SLIT3: variants seen among roughly 807,000 people sequenced by gnomAD.
The protein encoded by SLIT3 is slit guidance ligand 3.
In SLIT3, 68 loss-of-function variants were observed where a neutral mutation model predicts 184.0. The observed-to-expected ratio is 0.37, with a 90% CI of 0.30 to 0.45. The LOEUF is 0.45. Among genes scored for constraint, SLIT3 ranks in the 20% least tolerant of loss-of-function variants. The pLI is 1.00. For synonymous variants in SLIT3, 831 were observed against 828.6 expected, an observed-to-expected ratio of 1.00 and a Z score of -0.05; for missense variants, 1,707 against 2,026.0, an observed-to-expected ratio of 0.84 and a Z score of 3.02.
intron 6 of SLIT3, among the ~76,000 whole-genome samples, chr5:168,838,023 T>C (rs1303748424): frequency 1.3e-5 from 2 of 152,190 alleles, no homozygotes; most frequent in Non-Finnish European, 2.9e-5. Flanking sequence ...GGTCATAAAT[T>C]TAGATCTAAG....
At chr5:169,150,973 TAAGA>T (rs1009829720) in intron 4 of SLIT3, among the ~76,000 whole-genome samples, 4 of 152,016 alleles carry the variant, frequency 2.6e-5, no homozygotes, top group African/African-American at 9.7e-5. Flanking sequence ...TTTCTGACCC[TAAGA>T]AAGAGGGTCC....
chr5:169,048,209 G>T (rs1757691450), intron 4 of SLIT3, among the ~76,000 whole-genome samples: 1 of 152,130 alleles, frequency 6.6e-6, no homozygotes, highest in South Asian at 2.1e-4. Context: ...ACGATGGGTG[G>T]TCTTGGATGG....
chr5:169,123,110 T>G (rs953103383), intron 4 of SLIT3, among the ~76,000 whole-genome samples: 1 of 151,170 alleles, frequency 6.6e-6, no homozygotes, highest in Admixed American at 6.6e-5. Flanking sequence ...AAAAAAAAAC[T>G]GCACCAAAAT....
intron 3 of SLIT3, among the ~76,000 whole-genome samples, chr5:169,211,812 G>A (rs552667901): frequency 3.8e-4 from 58 of 152,144 alleles, no homozygotes; most frequent in Non-Finnish European, 6.6e-4. Context: ...CAGACGGCCC[G>A]TGTGTGATGT....
At chr5:168,923,505 T>G (rs1451442500) in intron 4 of SLIT3, among the ~76,000 whole-genome samples, 1 of 149,428 alleles carries the variant, frequency 6.7e-6, no homozygotes, top group Non-Finnish European at 1.5e-5. Context: ...GGTAACCCCC[T>G]TCCTAAATAT....
Position 169,123,136 on chromosome 5 carries a change from T to G in SLIT3, c.413+70343A>C, listed in dbSNP as rs552876138. Among the ~76,000 whole-genome samples, 21 of 152,270 alleles carry G rather than the reference T, an allele frequency of 1.4e-4. No homozygotes were observed. In the South Asian group the frequency reaches 4.4e-3, roughly 32 times the overall value. On this transcript the variant is annotated intron_variant, in intron 4 of 35. Transcript: ENST00000519560. Reference sequence around the variant, plus strand: ...GCACCAAAATCAACTTATACTAGCTTGTTATGACATGTCTGAACAGGATCT... The same window carrying G: ...GCACCAAAATCAACTTATACTAGCTGGTTATGACATGTCTGAACAGGATCT...
chr5:168,732,316 C>A (rs1763311601), intron 20 of SLIT3, among the ~76,000 whole-genome samples: 1 of 151,988 alleles, frequency 6.6e-6, no homozygotes, highest in African/African-American at 2.4e-5. Context: ...TTGTAGACAA[C>A]ACAAACAAAT....
intron 4 of SLIT3, among the ~76,000 whole-genome samples, chr5:169,021,811 T>C (rs1756609597): frequency 6.6e-6 from 1 of 152,210 alleles, no homozygotes; most frequent in Non-Finnish European, 1.5e-5. Flanking sequence ...CGTCTCTCAG[T>C]TTCAAAATTC....
intron 4 of SLIT3, among the ~76,000 whole-genome samples, chr5:169,086,022 C>T (rs1458728689): frequency 6.6e-6 from 1 of 152,142 alleles, no homozygotes; most frequent in Non-Finnish European, 1.5e-5. Flanking sequence ...CCTCATTTTC[C>T]CTACAGCTAG....
chr5:168,927,082 G>A (rs1421882675), intron 4 of SLIT3, among the ~76,000 whole-genome samples: 1 of 152,102 alleles, frequency 6.6e-6, no homozygotes, highest in Non-Finnish European at 1.5e-5. Context: ...ACCAAAAACA[G>A]CATTATTCAC....
chr5:169,060,937 G>A (rs979137656), intron 4 of SLIT3, among the ~76,000 whole-genome samples: 16 of 152,146 alleles, frequency 1.1e-4, no homozygotes, highest in African/African-American at 3.6e-4. Flanking sequence ...ATCCACAGGG[G>A]CTGTGGGGTC....
chr5:169,227,333 C>G (rs965967173), intron 3 of SLIT3, among the ~76,000 whole-genome samples: 2 of 152,200 alleles, frequency 1.3e-5, no homozygotes, highest in Non-Finnish European at 2.9e-5. Context: ...TACTTTGTGT[C>G]AGGCACTTTG....
intron 3 of SLIT3, among the ~76,000 whole-genome samples, chr5:169,214,212 C>T (rs1764361616): frequency 6.6e-6 from 1 of 152,218 alleles, no homozygotes; most frequent in Non-Finnish European, 1.5e-5. Flanking sequence ...TGCTCAATAT[C>T]TGGTTCCAAG....
chr5:168,698,897 A>G (rs1762136111), intron 27 of SLIT3, among the ~76,000 whole-genome samples: 1 of 152,184 alleles, frequency 6.6e-6, no homozygotes, highest in Non-Finnish European at 1.5e-5. Context: ...AAACTCTTCA[A>G]CAACTTAAGA....
intron 4 of SLIT3, among the ~76,000 whole-genome samples, chr5:168,973,047 A>T (rs9790965): frequency 0.018 from 2,786 of 152,162 alleles, 39 homozygotes; most frequent in East Asian, 0.031. Context: ...ATTCTTTCCA[A>T]CTTCAGTATG....
At chr5:169,171,536 T>C (rs1248159529) in intron 4 of SLIT3, among the ~76,000 whole-genome samples, 2 of 152,204 alleles carry the variant, frequency 1.3e-5, no homozygotes, top group East Asian at 3.9e-4. Context: ...AAGGATTGTA[T>C]AGCACTCCCT....
At chr5:169,198,295 G>A (rs1163907407) in intron 3 of SLIT3, among the ~76,000 whole-genome samples, 1 of 152,218 alleles carries the variant, frequency 6.6e-6, no homozygotes, top group Non-Finnish European at 1.5e-5. Context: ...CCCAGTCCTT[G>A]TTAAAAGAAG....
intron 4 of SLIT3, among the ~76,000 whole-genome samples, chr5:169,146,442 G>A (rs144812504): frequency 5.9e-5 from 9 of 152,312 alleles, no homozygotes; most frequent in African/African-American, 2.2e-4. Context: ...TCCATCAGCT[G>A]CAGGGCTTTC....
rs115208105 is a variant in SLIT3, at chr5:168,713,316, T to A, written c.2484-962A>T. Among the ~76,000 whole-genome samples the A allele has an allele frequency of 5.0e-3, 768 of 152,282 alleles. 5 individuals are homozygous for A. Among genetic ancestry groups the A allele is most frequent in the African/African-American group, 0.017 (723 of 41,562 alleles). Reference sequence around the variant, plus strand: ...CTAGGAGCTATTCTCACTTACACAGTGGTGCCATATACTAAGCCTTCCACA... The same window carrying A: ...CTAGGAGCTATTCTCACTTACACAGAGGTGCCATATACTAAGCCTTCCACA... On this transcript the variant is annotated intron_variant, in intron 23 of 35. Transcript: ENST00000519560.
Sources: allele counts gnomAD v4.1 joint callset (sites outside exome capture counted in the v4.1 genomes callset), GRCh38; gene constraint gnomAD v4.1.1; transcripts MANE v1.5; gene names NCBI Gene and HGNC (gene_info 2026-07-23, HGNC 2026-07-21).